Variants in KALRN observed in about 807,000 individuals in gnomAD.
KALRN encodes kalirin.
A neutral mutation model predicts 353.7 loss-of-function variants in KALRN; 70 were observed. The observed-to-expected ratio is 0.20, with a 90% CI of 0.16 to 0.24. The LOEUF (loss-of-function observed/expected upper bound fraction) is 0.24, where lower values mean the gene tolerates loss of function less well. KALRN is among the 10% of genes least tolerant of loss of function. The probability of loss-of-function intolerance (pLI) is 1.00; values close to 1 mark genes in which losing one functional copy is unlikely to be tolerated. For synonymous variants in KALRN, 1,391 were observed against 1,434.8 expected (o/e 0.97, Z 0.69); for missense variants, 2,791 against 3,756.7 (o/e 0.74, Z 6.72).
intron 33 of KALRN, among the ~76,000 whole-genome samples, chr3:124,504,573 C>G (rs1027670657): frequency 1.3e-5 from 2 of 152,194 alleles, no homozygotes; most frequent in Admixed American, 6.5e-5. Flanking sequence ...GTAGCCCAGT[C>G]CAGGGGCTTC....
At chr3:124,123,273 T>C (rs997977389) in intron 1 of KALRN, among the ~76,000 whole-genome samples, 1 of 150,674 alleles carries the variant, frequency 6.6e-6, no homozygotes, top group African/African-American at 2.4e-5. Flanking sequence ...AAAGGAAAAA[T>C]TCTTGACGGA....
At position 124,720,235 on chromosome 3, in the gene KALRN, T is replaced by C. The variant is rs1278206039; in HGVS notation, c.*765T>C. 1 of 152,672 alleles carries C rather than the reference T, an allele frequency of 6.5e-6. No individual in the cohort carries two copies. Among genetic ancestry groups the C allele is most frequent in the Non-Finnish European group, 1.5e-5 (1 of 68,048 alleles). The allele number at this position is 152,672 out of a possible 1,614,324, so 9.5% of individuals were successfully genotyped here. On this transcript the variant is annotated 3_prime_UTR_variant, in exon 60 of 60. Coordinates refer to ENST00000682506, the MANE Select transcript of KALRN (RefSeq NM_001388419.1). The stretch of plus-strand genomic sequence containing the variant: ...TTATTTGATTAAGATAGGTTCTTTC[T>C]GTATATGAAACGCTCCCCGCAAATT...
intron 33 of KALRN, among the ~76,000 whole-genome samples, chr3:124,524,549 A>T (rs943499117): frequency 5.3e-5 from 8 of 152,184 alleles, no homozygotes; most frequent in African/African-American, 1.9e-4. Flanking sequence ...TGTGAAAATG[A>T]CTATCCTTTA....
chr3:124,697,548 A>T, intron 54 of KALRN, 45 bp from the exon 55 acceptor site: 5 of 1,528,728 alleles, frequency 3.3e-6, no homozygotes, highest in Non-Finnish European at 4.4e-6. Flanking sequence ...GTAAAATGCC[A>T]AGTTCTGCAG....
intron 1 of KALRN, among the ~76,000 whole-genome samples, chr3:124,182,947 A>G (rs570104301): frequency 6.6e-6 from 1 of 152,358 alleles, no homozygotes; most frequent in South Asian, 2.1e-4. Context: ...TGGAAAGTTC[A>G]AAATATTGAG....
intron 16 of KALRN, among the ~76,000 whole-genome samples, chr3:124,433,793 T>C (rs1415912288): frequency 6.6e-6 from 1 of 152,196 alleles, no homozygotes; most frequent in Non-Finnish European, 1.5e-5. Context: ...ATTTATTCCT[T>C]CAACTGGAAT....
chr3:124,252,559 A>G (rs1485111188), intron 3 of KALRN, among the ~76,000 whole-genome samples: 1 of 152,178 alleles, frequency 6.6e-6, no homozygotes, highest in Non-Finnish European at 1.5e-5. Flanking sequence ...CACTGCCCCC[A>G]CTAGCCCTGG....
chr3:124,416,225 C>G (rs563833703), intron 14 of KALRN, among the ~76,000 whole-genome samples: 7 of 152,294 alleles, frequency 4.6e-5, no homozygotes, highest in African/African-American at 1.4e-4. Context: ...CACTTACTAC[C>G]GGGGTGCTGA....
intron 5 of KALRN, among the ~76,000 whole-genome samples, chr3:124,284,253 A>T (rs920073737): frequency 6.6e-6 from 1 of 152,180 alleles, no homozygotes; most frequent in Non-Finnish European, 1.5e-5. Flanking sequence ...AATCTGAGCT[A>T]TCACTCCCCT....
intron 10 of KALRN, among the ~76,000 whole-genome samples, chr3:124,377,138 CA>C (rs1384062811): frequency 6.6e-6 from 1 of 152,046 alleles, no homozygotes; most frequent in Non-Finnish European, 1.5e-5. Context: ...ATTGTTTAAA[CA>C]AGTTATTTTA....
chr3:124,614,452 G>C lies in KALRN; in HGVS notation c.5183-17968G>C, dbSNP rs116733039. Among the ~76,000 whole-genome samples, 551 of 151,762 alleles carry C rather than the reference G, an allele frequency of 3.6e-3. 3 individuals carry two copies. The highest frequency in any genetic ancestry group is 9.9e-3 in the Admixed American group (151 of 15,236). ...CCTGACTAATTTTTACAGAAACAGA[G>C]TTTCGCCATGTTGCCCAGACTGGTC... On this transcript the variant is annotated intron_variant, in intron 34 of 59. Coordinates refer to ENST00000682506, the MANE Select transcript of KALRN (RefSeq NM_001388419.1).
intron 33 of KALRN, among the ~76,000 whole-genome samples, chr3:124,535,186 T>C (rs2068406179): frequency 6.6e-6 from 1 of 152,132 alleles, no homozygotes; most frequent in African/African-American, 2.4e-5. Flanking sequence ...GAAGTTTTTT[T>C]TTTTAAAACA....
chr3:124,366,828 G>A lies in KALRN; in HGVS notation c.1771-18017G>A, dbSNP rs1378307291. Among the ~76,000 whole-genome samples the A allele has an allele frequency of 7.7e-5, 11 of 143,296 alleles. 1 individual carries two copies. Among genetic ancestry groups the A allele is most frequent in the Non-Finnish European group, 1.7e-4 (11 of 65,794 alleles). The allele number at this position is 143,296 out of a possible 152,430, so 94.0% of individuals were successfully genotyped here. On this transcript the variant is annotated intron_variant, in intron 10 of 59. Coordinates refer to ENST00000682506, the MANE Select transcript of KALRN (RefSeq NM_001388419.1). ...TCCCGGACGGGGTGGCTGGCTGGGC[G>A]GGGGTCTGACCCCCCCACCTCCCTC...
intron 1 of KALRN, among the ~76,000 whole-genome samples, chr3:124,128,979 T>G (rs1434974713): frequency 2.6e-5 from 4 of 152,020 alleles, no homozygotes; most frequent in African/African-American, 7.2e-5. Context: ...AATCATGGAG[T>G]TGTTCTCAGA....
chr3:124,198,861 C>T (rs1395478557), intron 1 of KALRN, among the ~76,000 whole-genome samples: 6 of 152,180 alleles, frequency 3.9e-5, no homozygotes, highest in African/African-American at 1.4e-4. Context: ...GCGGACTATA[C>T]TGGGCAGGAA....
rs1433499355 is a variant in KALRN at position 124,495,955 on chromosome 3, GTGTATGTATGTATATATATA to G, written c.4833-354_4833-335del. On this transcript the variant is annotated intron_variant, in intron 32 of 59. Coordinates refer to ENST00000682506, the MANE Select transcript of KALRN (RefSeq NM_001388419.1). ...CAGACCCGTTCCCAAGTGTGTGTATGTGTATGTATGTATATATATATATATATATATATATATATATATAT... is the reference window on the plus strand; with the variant it reads ...CAGACCCGTTCCCAAGTGTGTGTATGTATATATATATATATATATATATAT... Among the ~76,000 whole-genome samples the G allele has an allele frequency of 2.6e-4, 7 of 27,428 alleles. 2 individuals are homozygous for G. The East Asian group carries it at 9.3e-3, about 37-fold the overall frequency. 18.0% of individuals were successfully genotyped at this position (27,428 alleles called of 152,430 possible). A position where few individuals can be genotyped will look rare whatever the true frequency, so the allele number is the denominator to read the frequency against.
chr3:124,564,580 T>TG (rs924093187), intron 34 of KALRN, among the ~76,000 whole-genome samples: 1 of 152,110 alleles, frequency 6.6e-6, no homozygotes, highest in Non-Finnish European at 1.5e-5. Flanking sequence ...AGTGGGGGGC[T>TG]GGGGCAGGAG....
intron 6 of KALRN, among the ~76,000 whole-genome samples, chr3:124,307,914 G>A (rs1381591272): frequency 6.6e-6 from 1 of 151,940 alleles, no homozygotes; most frequent in Non-Finnish European, 1.5e-5. Flanking sequence ...GCTGTATACA[G>A]GAGGCACATT....
At chr3:124,105,602 G>C (rs1337813043) in intron 1 of KALRN, among the ~76,000 whole-genome samples, 1 of 152,128 alleles carries the variant, frequency 6.6e-6, no homozygotes, top group African/African-American at 2.4e-5. Flanking sequence ...GAGTTAGGGA[G>C]CTCCATGTGC....
Sources: gnomAD v4.1 joint callset for allele counts (sites outside exome capture counted in the v4.1 genomes callset) on GRCh38, gnomAD v4.1.1 for gene constraint, MANE v1.5 for transcripts, NCBI Gene and HGNC (gene_info 2026-07-23, HGNC 2026-07-21) for gene names.